STK32C: variants seen among roughly 807,000 people sequenced by gnomAD.
STK32C encodes serine/threonine kinase 32C.
STK32C carries 31 observed loss-of-function variants against 56.5 expected under a neutral mutation model. The observed-to-expected ratio is 0.55, with a 90% CI of 0.41 to 0.74. The LOEUF (loss-of-function observed/expected upper bound fraction) is 0.74, where lower values mean the gene tolerates loss of function less well. STK32C is among the 30% of genes least tolerant of loss of function. STK32C has a pLI of 0.00. For synonymous variants in STK32C, 309 were observed against 289.4 expected, an observed-to-expected ratio of 1.07 and a Z score of -0.69; for missense variants, 544 against 676.9, an observed-to-expected ratio of 0.80 and a Z score of 2.18.
chr10:132,308,091 T>A (rs1226426322), upstream of STK32C: 51 of 54,324 alleles, frequency 9.4e-4, no homozygotes, highest in Non-Finnish European at 1.4e-3. Flanking sequence ...GTGCGGAGCT[T>A]CGGGAAGGGT....
At chr10:132,225,162 C>A (rs969959979) in intron 7 of STK32C, 71 bp downstream of exon 7, 8 of 1,309,466 alleles carry the variant, frequency 6.1e-6, no homozygotes, top group African/African-American at 3.0e-5. Context: ...CAGCCACCCC[C>A]TCCCCAGCAC....
At chr10:132,300,430 G>C (rs2492645) in intron 1 of STK32C, among the ~76,000 whole-genome samples, 1 of 151,926 alleles carries the variant, frequency 6.6e-6, no homozygotes, top group Non-Finnish European at 1.5e-5. Flanking sequence ...GATGGAATCT[G>C]GGGGGGACAA....
At chr10:132,240,319 A>C (rs2137867927) in intron 2 of STK32C, among the ~76,000 whole-genome samples, 1 of 152,342 alleles carries the variant, frequency 6.6e-6, no homozygotes, top group East Asian at 1.9e-4. Context: ...CAGAGGCCAC[A>C]GGCTCAGCCA....
At chr10:132,208,452 T>C (rs2062175185) in intron 11 of STK32C, among the ~76,000 whole-genome samples, 1 of 152,206 alleles carries the variant, frequency 6.6e-6, no homozygotes, top group African/African-American at 2.4e-5. Context: ...AGCCTCATTC[T>C]TCACCCGGTC....
At chr10:132,216,867 T>A (rs917382871) in intron 10 of STK32C, among the ~76,000 whole-genome samples, 1 of 152,226 alleles carries the variant, frequency 6.6e-6, no homozygotes, top group Non-Finnish European at 1.5e-5. Context: ...TGCCTGCATT[T>A]CAGAGGATGT....
intron 10 of STK32C, among the ~76,000 whole-genome samples, chr10:132,212,212 T>C (rs1168719058): frequency 6.6e-6 from 1 of 152,186 alleles, no homozygotes; most frequent in Non-Finnish European, 1.5e-5. Context: ...GCTACAAAGC[T>C]ACAGTTATCA....
At chr10:132,301,933 T>C (rs2065922048) in intron 1 of STK32C, among the ~76,000 whole-genome samples, 1 of 152,182 alleles carries the variant, frequency 6.6e-6, no homozygotes, top group Non-Finnish European at 1.5e-5. Flanking sequence ...GCACCGGCTA[T>C]ATACTCACTA....
At chr10:132,259,903 A>G (rs1207793475) in intron 1 of STK32C, among the ~76,000 whole-genome samples, 1 of 152,168 alleles carries the variant, frequency 6.6e-6, no homozygotes, top group African/African-American at 2.4e-5. Context: ...TGTGTTTTCA[A>G]CTGGCCTGAA....
chr10:132,208,362 C>G (rs75612245), intron 11 of STK32C, among the ~76,000 whole-genome samples: 1 of 152,198 alleles, frequency 6.6e-6, no homozygotes, highest in Non-Finnish European at 1.5e-5. Flanking sequence ...TGGCGAGGCT[C>G]GGCGTGTTTC....
At chr10:132,257,617 AC>A (rs1308867487) in intron 1 of STK32C, among the ~76,000 whole-genome samples, 12 of 125,006 alleles carry the variant, frequency 9.6e-5, no homozygotes, top group Admixed American at 8.8e-4. Flanking sequence ...TCTGGTGCCC[AC>A]CCCCTGCTGC....
intron 1 of STK32C, among the ~76,000 whole-genome samples, chr10:132,302,523 C>T (rs1467021462): frequency 1.3e-5 from 2 of 152,168 alleles, no homozygotes; most frequent in African/African-American, 2.4e-5. Flanking sequence ...CGGCAGGAGG[C>T]CAGGACCATA....
At chr10:132,237,201 CT>C (rs1304347153) in intron 2 of STK32C, among the ~76,000 whole-genome samples, 1 of 152,030 alleles carries the variant, frequency 6.6e-6, no homozygotes, top group African/African-American at 2.4e-5. Context: ...ACTGTGCTCC[CT>C]GGACTGTGCT....
chr10:132,268,468 CGTGT>C (rs1268283588), intron 1 of STK32C, among the ~76,000 whole-genome samples: 6 of 76,250 alleles, frequency 7.9e-5, no homozygotes, highest in African/African-American at 1.6e-4. Context: ...TGTCCCACAT[CGTGT>C]GTGTGTGTCG....
At chr10:132,330,159 A>T (rs2066616626) in intron 1 of STK32C, 1 of 387,682 alleles carries the variant, frequency 2.6e-6, no homozygotes, top group Admixed American at 3.7e-5. Flanking sequence ...GCTGGGCAAA[A>T]ACTGAGCACA....
chr10:132,298,418 C>T (rs949340396), intron 1 of STK32C, among the ~76,000 whole-genome samples: 2 of 152,254 alleles, frequency 1.3e-5, no homozygotes, highest in Non-Finnish European at 2.9e-5. Flanking sequence ...ACTCTGAGGA[C>T]GGCTGTGGTG....
intron 1 of STK32C, among the ~76,000 whole-genome samples, chr10:132,282,447 A>ATCCACCTGTGCCTGTG (rs2065243137): frequency 1.5e-5 from 2 of 137,832 alleles, no homozygotes; most frequent in African/African-American, 5.6e-5. Context: ...CTGTACCTGC[A>ATCCACCTGTGCCTGTG]CCCACCTGTG....
At chr10:132,316,233 C>A (rs892861846) in intron 1 of STK32C, among the ~76,000 whole-genome samples, 3 of 151,842 alleles carry the variant, frequency 2.0e-5, no homozygotes, top group Admixed American at 6.6e-5. Context: ...AAATTACATA[C>A]CTTAAAAATC....
At chr10:132,293,017 C>T (rs926015533) in intron 1 of STK32C, among the ~76,000 whole-genome samples, 18 of 152,198 alleles carry the variant, frequency 1.2e-4, no homozygotes, top group African/African-American at 3.4e-4. Flanking sequence ...ACCTGCCCCA[C>T]GCAACGTGCA....
upstream of STK32C, among the ~76,000 whole-genome samples, chr10:132,308,991 C>T (rs1318389527): frequency 6.6e-6 from 1 of 152,216 alleles, no homozygotes; most frequent in Non-Finnish European, 1.5e-5. Context: ...TTAAGTTCTG[C>T]CCTGTAACCA....
Sources: gnomAD v4.1 joint callset for allele counts (sites outside exome capture counted in the v4.1 genomes callset) on GRCh38, gnomAD v4.1.1 for gene constraint, MANE v1.5 for transcripts, NCBI Gene and HGNC (gene_info 2026-07-23, HGNC 2026-07-21) for gene names.